Variants in ZNF385D observed in about 807,000 individuals in gnomAD.
The protein encoded by ZNF385D is zinc finger protein 659.
A neutral mutation model predicts 35.8 loss-of-function variants in ZNF385D; 15 were observed. The ratio of observed to expected loss-of-function variants is 0.42; its 90% confidence interval spans 0.28 to 0.64. The LOEUF (loss-of-function observed/expected upper bound fraction) is 0.64. ZNF385D is among the 30% of genes least tolerant of loss of function. The probability of loss-of-function intolerance (pLI) is 0.23; values close to 1 mark genes in which losing one functional copy is unlikely to be tolerated. For missense variants in ZNF385D, 474 were observed against 494.6 expected (o/e 0.96, Z 0.39); for synonymous variants, 212 against 186.8 (o/e 1.13, Z -1.10).
intron 3 of ZNF385D, among the ~76,000 whole-genome samples, chr3:21,928,972 T>A (rs259481): frequency 0.061 from 9,268 of 152,188 alleles, 443 homozygotes; most frequent in African/African-American, 0.12. Context: ...TAACAACTCA[T>A]TTTAAGAGGC....
intron 3 of ZNF385D, among the ~76,000 whole-genome samples, chr3:22,001,071 G>A (rs1331829648): frequency 6.6e-6 from 1 of 151,190 alleles, no homozygotes; most frequent in African/African-American, 2.4e-5. Flanking sequence ...CAGTAAGAGA[G>A]GAAAAAAGGA....
chr3:22,025,321 C>A (rs1318799288), intron 3 of ZNF385D, among the ~76,000 whole-genome samples: 1 of 152,146 alleles, frequency 6.6e-6, no homozygotes, highest in Non-Finnish European at 1.5e-5. Context: ...TTAGAAGCCA[C>A]CCCCAAAACC....
chr3:22,218,517 G>A (rs924796508), intron 2 of ZNF385D, among the ~76,000 whole-genome samples: 2 of 151,986 alleles, frequency 1.3e-5, no homozygotes, highest in Non-Finnish European at 2.9e-5. Context: ...ACACACAACT[G>A]TATCTGCGAT....
chr3:21,896,123 T>C (rs943821469), intron 3 of ZNF385D, among the ~76,000 whole-genome samples: 11 of 152,148 alleles, frequency 7.2e-5, no homozygotes, highest in Non-Finnish European at 1.2e-4. Context: ...CATGACAATA[T>C]GACAGTAAGA....
intron 3 of ZNF385D, among the ~76,000 whole-genome samples, chr3:22,165,718 G>A (rs1289881979): frequency 2.6e-5 from 4 of 151,948 alleles, no homozygotes; most frequent in Non-Finnish European, 4.4e-5. Flanking sequence ...AAATATTACT[G>A]GTCTTTCTTA....
chr3:22,036,259 T>C lies in ZNF385D; in HGVS notation c.325+132558A>G, dbSNP rs142047786. Among the ~76,000 whole-genome samples, 137 of 152,292 alleles carry C rather than the reference T, an allele frequency of 9.0e-4. 1 individual carries two copies. The highest frequency in any genetic ancestry group is 2.9e-3 in the African/African-American group (120 of 41,580). On this transcript the variant is annotated intron_variant, in intron 3 of 5. Coordinates refer to the ZNF385D transcript ENST00000494108. ...AAACAACAGGGAAGAATACAGAACA[T>C]AATCACTTTTCCCCAAAGCAGATCA...
chr3:21,771,916 A>G (rs1168725679), intron 3 of ZNF385D, among the ~76,000 whole-genome samples: 1 of 152,018 alleles, frequency 6.6e-6, no homozygotes, highest in Non-Finnish European at 1.5e-5. Context: ...AAGCCCAGAA[A>G]TAAACCCTCA....
intron 3 of ZNF385D, chr3:22,168,730 T>A: frequency 3.8e-6 from 3 of 798,108 alleles, no homozygotes; most frequent in Non-Finnish European, 4.6e-6. Context: ...AAAAAAATAG[T>A]TCATTCTTTT....
intron 1 of ZNF385D, among the ~76,000 whole-genome samples, chr3:21,706,578 C>A (rs150401941): frequency 6.6e-6 from 1 of 152,272 alleles, no homozygotes; most frequent in East Asian, 1.9e-4. Flanking sequence ...TGTTCTCAAA[C>A]TCATGTCTAC....
At chr3:21,440,190 G>T (rs1329798678) in intron 4 of ZNF385D, among the ~76,000 whole-genome samples, 3 of 151,930 alleles carry the variant, frequency 2.0e-5, no homozygotes, top group African/African-American at 7.3e-5. Flanking sequence ...TAGCAAAGAA[G>T]TTTACTTTAA....
chr3:21,989,274 A>C (rs886967102), intron 3 of ZNF385D, among the ~76,000 whole-genome samples: 2 of 152,172 alleles, frequency 1.3e-5, no homozygotes, highest in African/African-American at 4.8e-5. Context: ...TCTTACAACT[A>C]CAATTTTTTA....
intron 3 of ZNF385D, among the ~76,000 whole-genome samples, chr3:21,911,703 C>T (rs2125913823): frequency 6.6e-6 from 1 of 151,856 alleles, no homozygotes; most frequent in Non-Finnish European, 1.5e-5. Flanking sequence ...AAATAATTTC[C>T]TCATTTCAAC....
At chr3:21,875,253 T>TA (rs35735783) in intron 3 of ZNF385D, among the ~76,000 whole-genome samples, 37,584 of 151,778 alleles carry the variant, frequency 0.25, 4,837 homozygotes, top group Middle Eastern at 0.42. Flanking sequence ...TTCTTTTTTT[T>TA]AACCTAATTT....
At chr3:22,063,419 TATC>T (rs1361568313) in intron 3 of ZNF385D, among the ~76,000 whole-genome samples, 3 of 152,144 alleles carry the variant, frequency 2.0e-5, no homozygotes, top group Non-Finnish European at 4.4e-5. Flanking sequence ...TTTCTAAAAG[TATC>T]ATGATACAAA....
At chr3:22,347,909 T>A (rs1415918465) in intron 2 of ZNF385D, among the ~76,000 whole-genome samples, 1 of 152,208 alleles carries the variant, frequency 6.6e-6, no homozygotes, top group African/African-American at 2.4e-5. Context: ...TAAAATGGAA[T>A]GTGCAATATC....
rs9839488 is a variant in ZNF385D at position 21,577,547 on chromosome 3, A to G, written c.166-12863T>C. On this transcript the variant is annotated intron_variant, in intron 2 of 7. Coordinates refer to ENST00000281523, the MANE Select transcript of ZNF385D (RefSeq NM_024697.3). ...CCGAGTAGTGGAATTGCTGGATCAG[A>G]TAGTAGTTCTATGTTTAGTTTTTGG... 4.5e-3 allele frequency among the ~76,000 whole-genome samples: 686 copies of G among 152,318 alleles called. 5 individuals carry two copies. The highest frequency in any genetic ancestry group is 0.015 in the African/African-American group (632 of 41,578).
intron 3 of ZNF385D, among the ~76,000 whole-genome samples, chr3:21,926,448 T>TG (rs1288621639): frequency 7.2e-5 from 11 of 152,268 alleles, no homozygotes; most frequent in Middle Eastern, 6.8e-3. Context: ...TCCATGTCCC[T>TG]GCAAAGGACA....
chr3:21,955,883 A>G (rs1017384555), intron 3 of ZNF385D, among the ~76,000 whole-genome samples: 1 of 152,124 alleles, frequency 6.6e-6, no homozygotes, highest in South Asian at 2.1e-4. Flanking sequence ...TTTCACAAGT[A>G]GGTAAGAACC....
intron 4 of ZNF385D, among the ~76,000 whole-genome samples, chr3:21,451,429 G>A (rs368065699): frequency 6.6e-6 from 1 of 152,028 alleles, no homozygotes; most frequent in Non-Finnish European, 1.5e-5. Flanking sequence ...CACTCAAAAT[G>A]AGATAAAGAC....
Sources: allele counts gnomAD v4.1 joint callset (sites outside exome capture counted in the v4.1 genomes callset), GRCh38; gene constraint gnomAD v4.1.1; transcripts MANE v1.5; gene names NCBI Gene and HGNC (gene_info 2026-07-23, HGNC 2026-07-21).